Variants in FGR observed in about 807,000 individuals in gnomAD.
FGR encodes the protein FGR proto-oncogene, Src family tyrosine kinase, also known as tyrosine-protein kinase Fgr.
A neutral mutation model predicts 63.2 loss-of-function variants in FGR; 26 were observed. That is an observed-to-expected ratio of 0.41 (90% CI 0.30 to 0.57). The LOEUF (loss-of-function observed/expected upper bound fraction) is 0.57. Among genes scored for constraint, FGR ranks in the 20% least tolerant of loss-of-function variants. The probability of loss-of-function intolerance (pLI) is 0.27; values close to 1 mark genes in which losing one functional copy is unlikely to be tolerated. For synonymous variants in FGR, 286 were observed against 277.7 expected (o/e 1.03, Z -0.30); for missense variants, 511 against 690.8 (o/e 0.74, Z 2.92).
intron 1 of FGR, among the ~76,000 whole-genome samples, chr1:27,625,515 G>T (rs192008753): frequency 5.5e-4 from 84 of 152,248 alleles, no homozygotes; most frequent in Middle Eastern, 6.8e-3. Context: ...CATATACATG[G>T]GGTGCCTGCC....
Position 27,613,123 on chromosome 1 carries a change from C to T in FGR, c.1382-1G>A. 2 of 1,613,876 alleles carry T rather than the reference C, an allele frequency of 1.2e-6. No individual in the cohort carries two copies. Among genetic ancestry groups the T allele is most frequent in the Non-Finnish European group, 1.7e-6 (2 of 1,179,788 alleles). ...TCCAACACTTCCCGTTTATTCATGC[C>T]TGAAGGATGGGTCTCTGTCAGTCAA... On this transcript the variant is annotated splice_acceptor_variant, in intron 12 of 12. Coordinates refer to ENST00000374005, the MANE Select transcript of FGR (RefSeq NM_005248.3). LOFTEE classifies it high-confidence loss of function.
intron 2 of FGR, among the ~76,000 whole-genome samples, chr1:27,624,326 C>T (rs1216847564): frequency 6.6e-6 from 1 of 152,196 alleles, no homozygotes; most frequent in East Asian, 1.9e-4. Flanking sequence ...GCCTTGATCT[C>T]CTGGGCTCAA....
Position 27,613,210 on chromosome 1 carries a change from G to A in FGR, c.1381+9C>T, listed in dbSNP as rs530208996. 8 of 1,612,474 alleles carry A rather than the reference G, an allele frequency of 5.0e-6. No homozygotes were observed. The highest frequency in any genetic ancestry group is 2.7e-5 in the African/African-American group (2 of 75,020). The stretch of plus-strand genomic sequence containing the variant: ...CCCCCACCCCAGCCCTACCCCTGGC[G>A]AGGCAAACCTGGGTAGGGGATTCGG... On this transcript the variant is annotated intron_variant, in intron 12 of 12. Coordinates refer to ENST00000374005, the MANE Select transcript of FGR (RefSeq NM_005248.3).
chr1:27,630,243 C>T (rs975467578), intron 1 of FGR, among the ~76,000 whole-genome samples: 35 of 152,160 alleles, frequency 2.3e-4, no homozygotes, highest in South Asian at 1.2e-3. Context: ...TGAGTAGAGA[C>T]GGGGTTTCAC....
chr1:27,624,198 C>T, intron 2 of FGR: 1 of 410,146 alleles, frequency 2.4e-6, no homozygotes, highest in East Asian at 3.9e-5. Context: ...TGGGATATTG[C>T]TATGCTTATT....
At chr1:27,622,805 C>A (rs201939043) in intron 4 of FGR, among the ~76,000 whole-genome samples, 1 of 152,264 alleles carries the variant, frequency 6.6e-6, no homozygotes, top group Non-Finnish European at 1.5e-5. Context: ...TGCACCCGGC[C>A]GTCTATTTCA....
intron 1 of FGR, among the ~76,000 whole-genome samples, chr1:27,629,144 G>T (rs2090068677): frequency 6.6e-6 from 1 of 152,054 alleles, no homozygotes; most frequent in Non-Finnish European, 1.5e-5. Context: ...CAGAAAGACA[G>T]AGAGATAGAA....
chr1:27,633,932 G>C (rs2090141262), intron 1 of FGR, among the ~76,000 whole-genome samples: 1 of 152,162 alleles, frequency 6.6e-6, no homozygotes, highest in South Asian at 2.1e-4. Flanking sequence ...GTTCAGATGA[G>C]GAAAGTGAGG....
Position 27,620,991 on chromosome 1 carries a change from C to CAAAAAA in FGR, c.428+562_428+567dup, listed in dbSNP as rs59265327. 3.6e-3 allele frequency among the ~76,000 whole-genome samples: 79 copies of CAAAAAA among 22,012 alleles called. 4 individuals are homozygous for CAAAAAA. Among genetic ancestry groups the CAAAAAA allele is most frequent in the African/African-American group, 6.5e-3 (61 of 9,336 alleles). The allele number at this position is 22,012 out of a possible 152,430, so 14.4% of individuals were successfully genotyped here. On this transcript the variant is annotated intron_variant, in intron 5 of 12. Transcript: ENST00000374005. ...TAGGCAACAGAGTAGGACCCTGTCT[C>CAAAAAA]AAAAAAAAAAAAAAAAAAAAAAAAA...
At chr1:27,628,491 T>C (rs1183427266) in intron 1 of FGR, among the ~76,000 whole-genome samples, 8 of 139,326 alleles carry the variant, frequency 5.7e-5, no homozygotes, top group East Asian at 2.1e-4. Context: ...GCCCCCACAC[T>C]GTCCCCCCAC....
chr1:27,631,435 C>G (rs534789777), intron 1 of FGR, among the ~76,000 whole-genome samples: 3 of 152,306 alleles, frequency 2.0e-5, no homozygotes, highest in Non-Finnish European at 1.5e-5. Flanking sequence ...ATGTCCTGCC[C>G]CCGCAACCCT....
In FGR at chr1:27,616,580, G is replaced by A. The variant is rs1423097363; in HGVS notation, c.682+277C>T. 2.0e-5 allele frequency among the ~76,000 whole-genome samples: 3 copies of A among 152,216 alleles called. No homozygotes were observed. The highest frequency in any genetic ancestry group is 6.5e-5 in the Admixed American group (1 of 15,284). ...TGGTGCCTTGGTGGGGCATTCAGGCGGCACAAACACTCCATCAAGTTTCCA... is the reference window on the plus strand; with the variant it reads ...TGGTGCCTTGGTGGGGCATTCAGGCAGCACAAACACTCCATCAAGTTTCCA... On this transcript the variant is annotated intron_variant, in intron 7 of 12. Coordinates refer to ENST00000374005, the MANE Select transcript of FGR (RefSeq NM_005248.3). The surrounding 1 kb of genome is among the most constrained non-coding windows in gnomAD (Gnocchi z 4.3).
At chr1:27,623,440 CTT>C (rs2089965684) in intron 3 of FGR, 1 of 601,106 alleles carries the variant, frequency 1.7e-6, no homozygotes, top group Admixed American at 2.9e-5. Context: ...AGAAGTTTCT[CTT>C]TGTCACTTGC....
Position 27,615,673 on chromosome 1 carries a change from C to T in FGR, c.838+16G>A. On this transcript the variant is annotated intron_variant, in intron 8 of 12. Coordinates refer to ENST00000374005, the MANE Select transcript of FGR (RefSeq NM_005248.3). The surrounding 1 kb of genome is among the most constrained non-coding windows in gnomAD (Gnocchi z 7.6). ...CCGAGCCCAGGCCCTCGTCCCGGCCCCCGGGAGCTCCGTACCCAGCCACAC... is the reference window on the plus strand; with the variant it reads ...CCGAGCCCAGGCCCTCGTCCCGGCCTCCGGGAGCTCCGTACCCAGCCACAC... 6.3e-7 allele frequency: 1 copy of T among 1,593,548 alleles called. No homozygotes were observed. Among genetic ancestry groups the T allele is most frequent in the South Asian group, 1.1e-5 (1 of 90,062 alleles).
intron 10 of FGR, 114 bp downstream of exon 10, chr1:27,614,736 G>A: frequency 7.6e-7 from 1 of 1,323,978 alleles, no homozygotes. Flanking sequence ...CACAGCTGGA[G>A]GCACAGCTGA....
chr1:27,621,522 T>C, intron 5 of FGR, 37 bp downstream of exon 5: 2 of 1,511,192 alleles, frequency 1.3e-6, no homozygotes, highest in Non-Finnish European at 1.8e-6. Flanking sequence ...TCCAGGGTCC[T>C]GTCCATAGGG....
At chr1:27,618,062 C>G (rs997779306) in intron 5 of FGR, among the ~76,000 whole-genome samples, 2 of 152,088 alleles carry the variant, frequency 1.3e-5, no homozygotes, top group South Asian at 2.1e-4. Flanking sequence ...ATTAAAGGAG[C>G]CTCGTGTTTT....
At chr1:27,633,004 A>G (rs973372374) in intron 1 of FGR, among the ~76,000 whole-genome samples, 11 of 152,092 alleles carry the variant, frequency 7.2e-5, no homozygotes, top group African/African-American at 2.4e-4. Context: ...GGCTGCAGAG[A>G]TCACCCAAAC....
rs781124834 is a variant in FGR, at chr1:27,615,650, G to C, written c.839-37C>G. On this transcript the variant is annotated intron_variant, in intron 8 of 12. Transcript: ENST00000374005. This position sits in a 1 kb window ranked among gnomAD's most constrained non-coding sequence, Gnocchi z 7.6. ...CTGTCTTGTCAGGACCCTCTCCCCC[G>C]AGCCCAGGCCCTCGTCCCGGCCCCC... 1.3e-6 allele frequency: 2 copies of C among 1,594,402 alleles called. No individual in the cohort carries two copies. Among genetic ancestry groups the C allele is most frequent in the Non-Finnish European group, 1.7e-6 (2 of 1,164,668 alleles).
Sources: allele counts gnomAD v4.1 joint callset (sites outside exome capture counted in the v4.1 genomes callset), GRCh38; gene constraint gnomAD v4.1.1; non-coding constraint Gnocchi (gnomAD v3.1); transcripts MANE v1.5; gene names NCBI Gene and HGNC (gene_info 2026-07-23, HGNC 2026-07-21).